KANSL3: variants seen among roughly 807,000 people sequenced by gnomAD.
KANSL3 encodes NSL complex protein NSL3.
In KANSL3, 16 loss-of-function variants were observed where a neutral mutation model predicts 89.2. The observed-to-expected ratio is 0.18, with a 90% confidence interval of 0.12 to 0.27. The LOEUF is 0.27. Among genes scored for constraint, KANSL3 ranks in the 10% least tolerant of loss-of-function variants. The pLI is 1.00. For synonymous variants in KANSL3, 385 were observed against 419.7 expected (o/e 0.92, Z 1.01); for missense variants, 879 against 1,110.6 (o/e 0.79, Z 2.96).
chr2:96,598,493 G>A (rs969514088), intron 20 of KANSL3, among the ~76,000 whole-genome samples: 1 of 152,082 alleles, frequency 6.6e-6, no homozygotes, highest in South Asian at 2.1e-4. Flanking sequence ...TTTTGATAGG[G>A]TCTTGTTGCC....
At chr2:96,632,018 C>T (rs1395730477) in intron 2 of KANSL3, among the ~76,000 whole-genome samples, 3 of 151,884 alleles carry the variant, frequency 2.0e-5, no homozygotes, top group African/African-American at 7.2e-5. Flanking sequence ...TGCACTCCAG[C>T]CTGGGTGACA....
chr2:96,633,881 A>T (rs2073875202), intron 2 of KANSL3, among the ~76,000 whole-genome samples: 1 of 152,166 alleles, frequency 6.6e-6, no homozygotes, highest in Non-Finnish European at 1.5e-5. Context: ...ATAAAAAAAT[A>T]AAAAATTCAG....
At chr2:96,593,028 A>T (rs1321851151), downstream of KANSL3, 2 of 255,986 alleles carry the variant, frequency 7.8e-6, no homozygotes, top group Non-Finnish European at 1.6e-5. Flanking sequence ...AAATTACAGT[A>T]CCCCCTCATA....
intron 20 of KANSL3, chr2:96,600,554 T>C (rs1054985664): frequency 2.0e-6 from 2 of 985,254 alleles, no homozygotes; most frequent in African/African-American, 3.5e-5. Context: ...GAACTATCAC[T>C]GCACCTCCAG....
At chr2:96,607,128 T>C in intron 14 of KANSL3, 1 of 911,202 alleles carries the variant, frequency 1.1e-6, no homozygotes, top group Non-Finnish European at 1.5e-6. Context: ...AAAAAGGTTG[T>C]AGAAAATGGC....
chr2:96,619,696 C>A lies in KANSL3; in HGVS notation c.453G>T (p.Arg151=), dbSNP rs942879366. 1.9e-6 allele frequency: 3 copies of A among 1,566,110 alleles called. No individual in the cohort carries two copies. The South Asian group carries it at 3.5e-5, about 18-fold the overall frequency. Residue 151 remains arginine (R), a synonymous_variant, in exon 4 of 21, where the codon CGG becomes CGT. Transcript: ENST00000431828. The part of the protein sequence containing the change: ...NKILKALQSD[R]LARLANEGAC... Reference sequence around the variant, plus strand: ...CCCCTTCGTTGGCCAAGCGGGCAAGCCGGTCAGACTGCAGGGCTTTGAGGA... The same window carrying A: ...CCCCTTCGTTGGCCAAGCGGGCAAGACGGTCAGACTGCAGGGCTTTGAGGA...
At chr2:96,596,685 C>A (rs1002789180) in intron 20 of KANSL3, among the ~76,000 whole-genome samples, 1 of 152,242 alleles carries the variant, frequency 6.6e-6, no homozygotes, top group Admixed American at 6.5e-5. Flanking sequence ...TGCCCAAAGG[C>A]AGGGCTGTAC....
At chr2:96,589,994 C>CAA (rs71386016), downstream of KANSL3, among the ~76,000 whole-genome samples, 2 of 120,360 alleles carry the variant, frequency 1.7e-5, no homozygotes, top group South Asian at 2.6e-4. Context: ...ACTAAAAATA[C>CAA]AAAAAAAAAA....
intron 3 of KANSL3, among the ~76,000 whole-genome samples, chr2:96,626,743 T>C (rs753025699): frequency 2.6e-5 from 4 of 152,214 alleles, no homozygotes; most frequent in Non-Finnish European, 4.4e-5. Flanking sequence ...ACTACATCAC[T>C]ATGCCAGCAA....
At chr2:96,615,679 G>T in intron 5 of KANSL3, 2 of 367,154 alleles carry the variant, frequency 5.4e-6, no homozygotes, top group Non-Finnish European at 1.1e-5. Context: ...AAGATAAGTT[G>T]CTCTTAATTT....
chr2:96,610,775 G>C lies in KANSL3; in HGVS notation c.1270C>G (p.Arg424Gly). 6.2e-7 allele frequency: 1 copy of C among 1,613,976 alleles called. No homozygotes were observed. Among genetic ancestry groups the C allele is most frequent in the East Asian group, 2.2e-5 (1 of 44,882 alleles). The change falls in exon 11 of 21, where the codon CGA becomes GGA. Residue 424 changes from arginine to glycine, a missense_variant. Physicochemically the swap from Arg to Gly is moderately radical, Grantham distance 125. Coordinates refer to ENST00000431828, the MANE Select transcript of KANSL3 (RefSeq NM_001115016.3). ...EAMEDFREKI[R>G]AENSLVVVGG... The stretch of plus-strand genomic sequence containing the variant: ...ACCACCACCAAGCTGTTCTCAGCTC[G>C]AATCTTCTCCCGGAAGTCCTCCATG...
chr2:96,623,407 C>G (rs1165634455), intron 3 of KANSL3, among the ~76,000 whole-genome samples: 1 of 152,216 alleles, frequency 6.6e-6, no homozygotes, highest in East Asian at 1.9e-4. Flanking sequence ...TCCCACCCCA[C>G]AAGATACTCT....
chr2:96,606,875 C>A, intron 14 of KANSL3: 1 of 628,380 alleles, frequency 1.6e-6, no homozygotes, highest in Non-Finnish European at 2.5e-6. Flanking sequence ...AGGAGGAAAC[C>A]AAACTGAGGC....
intron 14 of KANSL3, among the ~76,000 whole-genome samples, chr2:96,607,513 T>C (rs891528077): frequency 3.3e-5 from 5 of 152,156 alleles, no homozygotes; most frequent in Non-Finnish European, 5.9e-5. Flanking sequence ...TCTTCAGAAG[T>C]GTAAAGACAC....
chr2:96,620,554 T>C (rs2071066337), intron 3 of KANSL3, among the ~76,000 whole-genome samples: 1 of 152,188 alleles, frequency 6.6e-6, no homozygotes, highest in African/African-American at 2.4e-5. Flanking sequence ...TTTAGTGATA[T>C]GGAGCTTATT....
At chr2:96,602,968 T>A in intron 17 of KANSL3, 106 bp from the exon 18 acceptor site, 1 of 1,029,622 alleles carries the variant, frequency 9.7e-7, no homozygotes, top group Non-Finnish European at 1.5e-6. Flanking sequence ...CCAGTGGTGC[T>A]TGCCCTTGGA....
the KANSL3 span, among the ~76,000 whole-genome samples, chr2:96,582,164 C>A: frequency 5.9e-5 from 9 of 152,214 alleles, no homozygotes; most frequent in Non-Finnish European, 1.2e-4. Context: ...CCAAGACGGG[C>A]GGATGACTTG....
intron 16 of KANSL3, 23 bp downstream of exon 16, chr2:96,604,756 C>G (rs1366837958): frequency 6.4e-7 from 1 of 1,562,602 alleles, no homozygotes; most frequent in Non-Finnish European, 8.7e-7. Flanking sequence ...GGAATAGACA[C>G]AGATGGTCCA....
chr2:96,583,559 A>G, the KANSL3 span, among the ~76,000 whole-genome samples: 1 of 152,210 alleles, frequency 6.6e-6, no homozygotes, highest in East Asian at 1.9e-4. Context: ...TCAGCATGCT[A>G]TTGAGATTCA....
Sources: gnomAD v4.1 joint callset for allele counts (sites outside exome capture counted in the v4.1 genomes callset) on GRCh38, gnomAD v4.1.1 for gene constraint, MANE v1.5 for transcripts, NCBI Gene and HGNC (gene_info 2026-07-23, HGNC 2026-07-21) for gene names.